The following GREB1L variants were observed in gnomAD, a reference collection of about 807,000 sequenced individuals.
GREB1L encodes GREB1-like protein.
GREB1L carries 17 observed loss-of-function variants against 200.8 expected under a neutral mutation model. The observed-to-expected ratio is 0.08, with a 90% CI of 0.06 to 0.13. GREB1L has a LOEUF of 0.13. GREB1L is among the 10% of genes least tolerant of loss of function. The pLI, the probability that GREB1L is intolerant of heterozygous loss-of-function variation, is 1.00. For missense variants in GREB1L, 1,657 were observed against 2,367.7 expected, an observed-to-expected ratio of 0.70 and a Z score of 6.23; for synonymous variants, 789 against 893.0, an observed-to-expected ratio of 0.88 and a Z score of 2.08.
Position 21,426,965 on chromosome 18 carries a change from AAAAAAAAC to A in GREB1L, c.833-12548_833-12541del, listed in dbSNP as rs1449706934. 9.5e-4 allele frequency among the ~76,000 whole-genome samples: 100 copies of A among 105,634 alleles called. 1 individual carries two copies. Among genetic ancestry groups the A allele is most frequent in the African/African-American group, 9.4e-3 (98 of 10,466 alleles). The allele number at this position is 105,634 out of a possible 152,430, so 69.3% of individuals were successfully genotyped here. On this transcript the variant is annotated intron_variant, in intron 7 of 32. Coordinates refer to ENST00000424526, the MANE Select transcript of GREB1L (RefSeq NM_001142966.3). Reference sequence around the variant, plus strand: ...CAGAGCGAGACTACGTCTCAAAAAAAAAAAAAACAAAAAAAAAAAAAACAAAAAAAAAA... The same window carrying A: ...CAGAGCGAGACTACGTCTCAAAAAAAAAAAAAAAAAAAAACAAAAAAAAAA...
At position 21,343,730 on chromosome 18, in the gene GREB1L, ATT is replaced by A. The variant is rs36120644; in HGVS notation, c.-119-22275_-119-22274del. 7.3e-3 allele frequency among the ~76,000 whole-genome samples: 833 copies of A among 114,886 alleles called. 5 individuals carry two copies. The highest frequency in any genetic ancestry group is 0.026 in the African/African-American group (757 of 29,430). 75.4% of individuals were successfully genotyped at this position (114,886 alleles called of 152,430 possible). A position where few individuals can be genotyped will look rare whatever the true frequency, so the allele number is the denominator to read the frequency against. The stretch of plus-strand genomic sequence containing the variant: ...AGGGAGCAGAAGGTTGAGAAGAGAG[ATT>A]TTTTTTTTTTTTTTTTTTTTTGAGA... On this transcript the variant is annotated intron_variant, in intron 1 of 32. Transcript: ENST00000424526.
At chr18:21,406,217 A>G (rs1248004429) in intron 7 of GREB1L, among the ~76,000 whole-genome samples, 1 of 152,226 alleles carries the variant, frequency 6.6e-6, no homozygotes, top group East Asian at 1.9e-4. Context: ...ATTTGTAAAC[A>G]AATTTTGCTT....
intron 1 of GREB1L, among the ~76,000 whole-genome samples, chr18:21,325,677 G>C (rs540251943): frequency 6.6e-6 from 1 of 151,860 alleles, no homozygotes; most frequent in Admixed American, 6.6e-5. Flanking sequence ...AGCCGGGTGA[G>C]GTGGTGCATG....
intron 23 of GREB1L, among the ~76,000 whole-genome samples, chr18:21,504,175 C>T (rs1598940989): frequency 3.3e-5 from 5 of 152,170 alleles, no homozygotes. Flanking sequence ...CTGCCTGCCT[C>T]GGCCTCCCAA....
At position 21,452,113 on chromosome 18, in the gene GREB1L, T is replaced by C; in HGVS notation, c.1880T>C (p.Met627Thr). ...GACCTAGACAAGCTGCTGGAAAAAA[T>C]GCAACAAAGAAGAGGAGACAGTGTG... Reference protein sequence around the residue: ...GDDLDKLLEKMQQRRGDSVVT... With the variant: ...GDDLDKLLEKTQQRRGDSVVT... Residue 627 changes from methionine to threonine, a missense_variant, in exon 14 of 33, where the codon ATG becomes ACG. This residue lies in a region of GREB1L where 239 missense variants were observed against 421.8 expected (regional missense o/e 0.57). Coordinates refer to ENST00000424526, the MANE Select transcript of GREB1L (RefSeq NM_001142966.3). 1 of 1,552,090 alleles carries C rather than the reference T, an allele frequency of 6.4e-7. No homozygotes were observed. Among genetic ancestry groups the C allele is most frequent in the Non-Finnish European group, 8.7e-7 (1 of 1,147,024 alleles).
chr18:21,484,303 T>C (rs1279688302), intron 17 of GREB1L, among the ~76,000 whole-genome samples: 1 of 151,432 alleles, frequency 6.6e-6, no homozygotes, highest in Non-Finnish European at 1.5e-5. Context: ...GCCTCCTGAG[T>C]AGCTGGGTCT....
At chr18:21,507,110 AC>A (rs2037047863) in intron 25 of GREB1L, among the ~76,000 whole-genome samples, 1 of 151,960 alleles carries the variant, frequency 6.6e-6, no homozygotes, top group Non-Finnish European at 1.5e-5. Flanking sequence ...AATACAAGTT[AC>A]CTTTTATATC....
intron 1 of GREB1L, among the ~76,000 whole-genome samples, chr18:21,320,870 A>C (rs2038940818): frequency 6.6e-6 from 1 of 152,230 alleles, no homozygotes; most frequent in Non-Finnish European, 1.5e-5. Flanking sequence ...GGAGGATTGA[A>C]AAGAGAAAAT....
chr18:21,267,643 T>C (rs2037993014), intron 1 of GREB1L, among the ~76,000 whole-genome samples: 1 of 152,112 alleles, frequency 6.6e-6, no homozygotes, highest in Admixed American at 6.6e-5. Flanking sequence ...GATAGAGAAA[T>C]GAGTGCAAGA....
At chr18:21,269,723 A>G (rs1282308621) in intron 1 of GREB1L, among the ~76,000 whole-genome samples, 1 of 152,234 alleles carries the variant, frequency 6.6e-6, no homozygotes, top group Non-Finnish European at 1.5e-5. Context: ...ACTTAAAAGA[A>G]TATGTTATTA....
At chr18:21,393,496 G>T (rs1365711198) in intron 4 of GREB1L, among the ~76,000 whole-genome samples, 7 of 152,042 alleles carry the variant, frequency 4.6e-5, no homozygotes, top group Admixed American at 4.6e-4. Context: ...TGTTTTTTGA[G>T]ACAGAGCCTC....
At position 21,393,274 on chromosome 18, in the gene GREB1L, CTTCCAAAATT is replaced by C. The variant is rs373478626; in HGVS notation, c.356-2107_356-2098del. On this transcript the variant is annotated intron_variant, in intron 4 of 32. Coordinates refer to ENST00000424526, the MANE Select transcript of GREB1L (RefSeq NM_001142966.3). The stretch of plus-strand genomic sequence containing the variant: ...TAGGGAGAGGTAGGCATCCTCCTTG[CTTCCAAAATT>C]TTCTGAAATAGCGTTTTTTTCCCTG... Among the ~76,000 whole-genome samples, 319 of 152,100 alleles carry C rather than the reference CTTCCAAAATT, an allele frequency of 2.1e-3. 2 individuals are homozygous for C. Among genetic ancestry groups the C allele is most frequent in the African/African-American group, 7.5e-3 (310 of 41,506 alleles).
At chr18:21,505,378 G>T (rs777659511) in intron 23 of GREB1L, 34 bp from the exon 24 acceptor site, 14 of 1,537,656 alleles carry the variant, frequency 9.1e-6, no homozygotes, top group Non-Finnish European at 1.1e-5. Context: ...AGGGAGGCCA[G>T]TCACCTGCTC....
chr18:21,348,149 G>A (rs547020390), intron 1 of GREB1L, among the ~76,000 whole-genome samples: 2 of 151,766 alleles, frequency 1.3e-5, no homozygotes, highest in South Asian at 4.2e-4. Flanking sequence ...GTTTCACCGT[G>A]TTAACCAGGA....
At chr18:21,333,112 A>T (rs769883429) in intron 1 of GREB1L, among the ~76,000 whole-genome samples, 3 of 151,994 alleles carry the variant, frequency 2.0e-5, no homozygotes, top group Non-Finnish European at 1.5e-5. Context: ...GCGCGCGCAC[A>T]TACGGTCTCT....
intron 1 of GREB1L, among the ~76,000 whole-genome samples, chr18:21,300,496 TTC>T (rs1409301383): frequency 6.6e-6 from 1 of 152,234 alleles, no homozygotes; most frequent in Non-Finnish European, 1.5e-5. Context: ...CTGCTCTAAC[TTC>T]TGTTACCTCT....
chr18:21,382,062 T>A (rs1598728190), intron 2 of GREB1L, among the ~76,000 whole-genome samples: 1 of 152,164 alleles, frequency 6.6e-6, no homozygotes, highest in Admixed American at 6.5e-5. Context: ...CAGATAGTTT[T>A]GGCTGAGTGT....
At chr18:21,287,499 A>G (rs537390724) in intron 1 of GREB1L, among the ~76,000 whole-genome samples, 25 of 152,228 alleles carry the variant, frequency 1.6e-4, no homozygotes, top group Admixed American at 9.8e-4. Flanking sequence ...AGAATTGTCT[A>G]TTTTTCTTAC....
Position 21,242,252 on chromosome 18 carries a change from C to A in GREB1L, c.-261C>A, listed in dbSNP as rs1183640920. 2 of 151,870 alleles carry A rather than the reference C, an allele frequency of 1.3e-5. No homozygotes were observed. Among genetic ancestry groups the A allele is most frequent in the African/African-American group, 4.8e-5 (2 of 41,404 alleles). 9.4% of individuals were successfully genotyped at this position (151,870 alleles called of 1,614,324 possible). On this transcript the variant is annotated 5_prime_UTR_variant, in exon 1 of 33. Transcript: ENST00000424526. ...CTGCCAGAGAGACGCCAGCCGCCGG[C>A]GGCGCTAGCACCTCGGAGTCGGGCG...
Sources: gnomAD v4.1 joint callset for allele counts (sites outside exome capture counted in the v4.1 genomes callset) on GRCh38, gnomAD v4.1.1 for gene constraint, gnomAD v4.1.1 regional missense constraint, MANE v1.5 for transcripts, NCBI Gene and HGNC (gene_info 2026-07-23, HGNC 2026-07-21) for gene names.